The following ZNF438 variants were observed in gnomAD, a reference collection of about 807,000 sequenced individuals.
The protein encoded by ZNF438 is zinc finger protein 438.
ZNF438 carries 25 observed loss-of-function variants against 38.0 expected under a neutral mutation model. The observed-to-expected ratio is 0.66, with a 90% CI of 0.48 to 0.92. The LOEUF (loss-of-function observed/expected upper bound fraction) is 0.92, where lower values mean the gene tolerates loss of function less well. Ranked by LOEUF, ZNF438 falls within the 40% of genes least tolerant of loss-of-function variation. The pLI, the probability that ZNF438 is intolerant of heterozygous loss-of-function variation, is 0.00. For missense variants in ZNF438, 1,007 were observed against 999.6 expected (o/e 1.01, Z -0.10); for synonymous variants, 372 against 364.1 (o/e 1.02, Z -0.25).
Position 30,849,679 on chromosome 10 carries a change from A to T in ZNF438, c.726T>A (p.Phe242Leu), listed in dbSNP as rs143692698. 13 of 1,614,196 alleles carry T rather than the reference A, an allele frequency of 8.1e-6. No individual in the cohort carries two copies. Among genetic ancestry groups the T allele is most frequent in the African/African-American group, 1.3e-5 (1 of 75,058 alleles). ...GTTTACTAGATGTTATCTTGCTTAC[A>T]AAGTGTGCTTTCCCTGAAAGAGCTG... Residue 242 changes from phenylalanine to leucine, a missense_variant, in exon 5 of 6, where the codon TTT (phenylalanine) becomes TTA (leucine). By Grantham distance (22) the Phe-to-Leu change is conservative. Transcript: ENST00000413025.
chr10:30,863,212 T>C (rs529605853), intron 4 of ZNF438, among the ~76,000 whole-genome samples: 11 of 152,318 alleles, frequency 7.2e-5, no homozygotes, highest in Admixed American at 5.9e-4. Flanking sequence ...GTCTTGACTG[T>C]TCCTTATTTC....
chr10:30,950,952 G>A (rs201254372), intron 1 of ZNF438, among the ~76,000 whole-genome samples: 1 of 136,284 alleles, frequency 7.3e-6, no homozygotes, highest in African/African-American at 2.9e-5. Context: ...CAAAAAAAGA[G>A]AATTTTAGAC....
Position 30,973,092 on chromosome 10 carries a change from T to C in ZNF438, c.-191-31441A>G, listed in dbSNP as rs556870002. 3.9e-5 allele frequency among the ~76,000 whole-genome samples: 6 copies of C among 152,304 alleles called. No individual in the cohort carries two copies. The South Asian group carries it at 1.2e-3, about 32-fold the overall frequency. ...CTATACCTACAAAAACATACAATAATGTTTCCTCCAGTAGTTAACGCTGTA... is the reference window on the plus strand; with the variant it reads ...CTATACCTACAAAAACATACAATAACGTTTCCTCCAGTAGTTAACGCTGTA... On this transcript the variant is annotated intron_variant, in intron 1 of 5. Coordinates refer to ENST00000413025, the Ensembl canonical transcript of ZNF438.
At chr10:30,964,896 C>A (rs2049942535) in intron 1 of ZNF438, among the ~76,000 whole-genome samples, 1 of 152,082 alleles carries the variant, frequency 6.6e-6, no homozygotes, top group South Asian at 2.1e-4. Context: ...CTGGCCTTGG[C>A]AAGGAATTTG....
intron 1 of ZNF438, among the ~76,000 whole-genome samples, chr10:31,004,411 C>T (rs559906311): frequency 6.6e-6 from 1 of 152,192 alleles, no homozygotes; most frequent in African/African-American, 2.4e-5. Flanking sequence ...AGAAGGAAAA[C>T]CAGGGAAGGG....
chr10:30,950,028 C>G (rs1238004690), intron 1 of ZNF438, among the ~76,000 whole-genome samples: 1 of 151,900 alleles, frequency 6.6e-6, no homozygotes, highest in Non-Finnish European at 1.5e-5. Context: ...TGTAAAAGAA[C>G]AGAAATTATA....
chr10:30,853,174 G>T (rs1433109005), intron 4 of ZNF438, among the ~76,000 whole-genome samples: 1 of 152,038 alleles, frequency 6.6e-6, no homozygotes, highest in African/African-American at 2.4e-5. Context: ...AGAAAATATT[G>T]GGTCATTTAT....
intron 2 of ZNF438, among the ~76,000 whole-genome samples, chr10:30,927,705 C>T (rs920915236): frequency 6.6e-6 from 1 of 152,226 alleles, no homozygotes; most frequent in African/African-American, 2.4e-5. Context: ...TTACAAAGAT[C>T]ACTGAACTGA....
intron 1 of ZNF438, among the ~76,000 whole-genome samples, chr10:30,980,563 T>G (rs745993977): frequency 3.3e-5 from 5 of 152,238 alleles, no homozygotes; most frequent in Non-Finnish European, 7.3e-5. Flanking sequence ...GTTCAAGATT[T>G]ACATTTTAGA....
At chr10:31,001,321 T>C (rs2054635928) in intron 1 of ZNF438, among the ~76,000 whole-genome samples, 1 of 152,226 alleles carries the variant, frequency 6.6e-6, no homozygotes, top group Non-Finnish European at 1.5e-5. Flanking sequence ...CTAAGTACCA[T>C]ATCTTTCAAG....
At chr10:30,906,597 T>C (rs1022282229) in intron 3 of ZNF438, among the ~76,000 whole-genome samples, 4 of 152,228 alleles carry the variant, frequency 2.6e-5, no homozygotes, top group Non-Finnish European at 5.9e-5. Flanking sequence ...GAACCTCCAG[T>C]ACAAAGTTAA....
chr10:30,896,522 G>A (rs921674673), intron 3 of ZNF438, among the ~76,000 whole-genome samples: 2 of 152,066 alleles, frequency 1.3e-5, no homozygotes, highest in Non-Finnish European at 2.9e-5. Flanking sequence ...TGAACCTTGA[G>A]GAGACTATGT....
chr10:30,954,391 G>A (rs2048628907), intron 1 of ZNF438, among the ~76,000 whole-genome samples: 1 of 152,194 alleles, frequency 6.6e-6, no homozygotes, highest in Non-Finnish European at 1.5e-5. Flanking sequence ...AAGCTTCAGA[G>A]TTACAGAATT....
chr10:31,029,326 A>ATACT (rs10661889), intron 1 of ZNF438, among the ~76,000 whole-genome samples: 123,209 of 151,804 alleles, frequency 0.81, 50,460 homozygotes, highest in African/African-American at 0.91. Context: ...CGCTTACATA[A>ATACT]TACTATTTTT....
chr10:30,876,503 A>T (rs10826887), intron 4 of ZNF438, among the ~76,000 whole-genome samples: 89,067 of 152,006 alleles, frequency 0.59, 26,352 homozygotes, highest in African/African-American at 0.62. Flanking sequence ...ATACATTGCA[A>T]AAAGTAAAAT....
In ZNF438 at chr10:30,848,867, T is replaced by C. The variant is rs768491928; in HGVS notation, c.1538A>G (p.Asn513Ser). The C allele has an allele frequency of 2.7e-5, 43 of 1,614,260 alleles. No homozygotes were observed. The Middle Eastern group carries it at 2.1e-3, about 81-fold the overall frequency. ...GTGCTGTTTGAACTGGAAGTGGTGG[T>C]TGCAGACGTGACATCTGTGCCAAGG... is the stretch of plus-strand genomic sequence containing the variant. Residue 513 changes from asparagine (N) to serine (S), a missense_variant, in exon 5 of 6, where the codon AAC becomes AGC. Transcript: ENST00000413025.
intron 1 of ZNF438, among the ~76,000 whole-genome samples, chr10:30,979,643 G>A (rs1218343778): frequency 6.6e-6 from 1 of 152,130 alleles, no homozygotes; most frequent in African/African-American, 2.4e-5. Flanking sequence ...GACATATCTG[G>A]ACTTCTTGGT....
intron 1 of ZNF438, among the ~76,000 whole-genome samples, chr10:30,972,249 G>A (rs1229093354): frequency 1.3e-5 from 2 of 152,134 alleles, no homozygotes; most frequent in Non-Finnish European, 2.9e-5. Context: ...GATTACAAGC[G>A]TGAGCCGCCA....
intron 1 of ZNF438, among the ~76,000 whole-genome samples, chr10:30,963,572 A>G (rs919840468): frequency 1.3e-5 from 2 of 152,120 alleles, no homozygotes; most frequent in African/African-American, 4.8e-5. Context: ...AGCAGTGAGC[A>G]CTAGTATATA....
Sources: allele counts gnomAD v4.1 joint callset (sites outside exome capture counted in the v4.1 genomes callset), GRCh38; gene constraint gnomAD v4.1.1; transcripts MANE v1.5; gene names NCBI Gene and HGNC (gene_info 2026-07-23, HGNC 2026-07-21).